SPAST: variants seen among roughly 807,000 people sequenced by gnomAD.
The protein encoded by SPAST is spastic paraplegia 4 (autosomal dominant; spastin).
A neutral mutation model predicts 76.6 loss-of-function variants in SPAST; 30 were observed. The observed-to-expected ratio is 0.39, with a 90% confidence interval of 0.29 to 0.53. The LOEUF (loss-of-function observed/expected upper bound fraction) is 0.53. Ranked by LOEUF, SPAST falls within the 20% of genes least tolerant of loss-of-function variation. The pLI is 0.68. For synonymous variants in SPAST, 305 were observed against 281.0 expected (o/e 1.09, Z -0.86); for missense variants, 717 against 770.5 (o/e 0.93, Z 0.82).
intron 3 of SPAST, among the ~76,000 whole-genome samples, chr2:32,096,488 C>T (rs72796855): frequency 0.046 from 6,949 of 152,048 alleles, 263 homozygotes; most frequent in Admixed American, 0.12. Flanking sequence ...TACTGTTATA[C>T]TGTATGTGTC....
At chr2:32,089,454 G>T (rs1485437298) in intron 2 of SPAST, 68 bp from the exon 3 acceptor site, 2 of 899,154 alleles carry the variant, frequency 2.2e-6, no homozygotes, top group Non-Finnish European at 3.7e-6. Context: ...AGTAGTTTGG[G>T]TGATAATTTA....
At position 32,087,503 on chromosome 2, in the gene SPAST, G is replaced by C; in HGVS notation, c.427G>C (p.Glu143Gln). 15 of 1,603,210 alleles carry C rather than the reference G, an allele frequency of 9.4e-6. No individual in the cohort carries two copies. The highest frequency in any genetic ancestry group is 1.3e-5 in the Non-Finnish European group (15 of 1,171,030). ...IDEDEKAGQK[E>Q]QAVEWYKKGI... ...TTTTTATTTTAAAGCAGGACAGAAGGAGCAAGCTGTGGAATGGTATAAGAA... is the reference window on the plus strand; with the variant it reads ...TTTTTATTTTAAAGCAGGACAGAAGCAGCAAGCTGTGGAATGGTATAAGAA... Residue 143 changes from glutamate to glutamine, a missense_variant, in exon 2 of 17, where the codon GAG becomes CAG. Physicochemically the swap from Glu to Gln is conservative, Grantham distance 29. This residue lies in a region of SPAST where 543 missense variants were observed against 445.2 expected (regional missense o/e 1.22). Transcript: ENST00000315285.
At chr2:32,121,167 G>A (rs892105185) in intron 7 of SPAST, among the ~76,000 whole-genome samples, 2 of 151,864 alleles carry the variant, frequency 1.3e-5, no homozygotes, top group Admixed American at 6.6e-5. Context: ...GGTGGGGGCA[G>A]GGGGGAAGGA....
Position 32,064,143 on chromosome 2 carries a change from CCCGGCG to C in SPAST, c.317_322del (p.Ala106_Pro107del). 1.3e-6 allele frequency: 2 copies of C among 1,565,484 alleles called. No individual in the cohort carries two copies. Among genetic ancestry groups the C allele is most frequent in the Non-Finnish European group, 1.7e-6 (2 of 1,155,886 alleles). ...CGCCAGCACCTGCCTCGGCCTCGGCCCCGGCGCCGGTGCCGGGCGGCGAGGCCGAGC... is the reference window on the plus strand; with the variant it reads ...CGCCAGCACCTGCCTCGGCCTCGGCCCCGGTGCCGGGCGGCGAGGCCGAGC... On this transcript the variant is annotated inframe_deletion, in exon 1 of 17. Transcript: ENST00000315285.
chr2:32,083,116 T>G (rs1436267380), intron 1 of SPAST, among the ~76,000 whole-genome samples: 1 of 151,918 alleles, frequency 6.6e-6, no homozygotes, highest in East Asian at 1.9e-4. Context: ...TGATTACAGG[T>G]GCCCGCCACC....
At chr2:32,093,569 C>T (rs940606503) in intron 3 of SPAST, among the ~76,000 whole-genome samples, 1 of 152,128 alleles carries the variant, frequency 6.6e-6, no homozygotes, top group Non-Finnish European at 1.5e-5. Flanking sequence ...ATATATTTGT[C>T]ACCTTCTAAT....
chr2:32,080,942 G>T (rs1248801126), intron 1 of SPAST, among the ~76,000 whole-genome samples: 1 of 151,052 alleles, frequency 6.6e-6, no homozygotes, highest in South Asian at 2.1e-4. Context: ...CTACAGGCAC[G>T]TGCCACCACA....
At chr2:32,067,127 T>A (rs1201615299) in intron 1 of SPAST, among the ~76,000 whole-genome samples, 4 of 152,130 alleles carry the variant, frequency 2.6e-5, no homozygotes, top group African/African-American at 9.7e-5. Flanking sequence ...AATGGTATGA[T>A]CTTGGCTCAC....
chr2:32,154,670 A>C lies in SPAST; in HGVS notation c.*174A>C. On this transcript the variant is annotated 3_prime_UTR_variant, in exon 17 of 17. Coordinates refer to ENST00000315285, the MANE Select transcript of SPAST (RefSeq NM_014946.4). ...GAAAACAGACTTAAACAAAATATAC[A>C]ATGCAAATGTAATTTTTTGTTGTTT... 1.5e-6 allele frequency: 1 copy of C among 661,016 alleles called. No individual in the cohort carries two copies. Among genetic ancestry groups the C allele is most frequent in the South Asian group, 1.9e-5 (1 of 53,940 alleles). The allele number at this position is 661,016 out of a possible 1,614,324, so 40.9% of individuals were successfully genotyped here. A position where few individuals can be genotyped will look rare whatever the true frequency, so the allele number is the denominator to read the frequency against.
At chr2:32,065,042 C>T (rs1322552304) in intron 1 of SPAST, among the ~76,000 whole-genome samples, 1 of 149,898 alleles carries the variant, frequency 6.7e-6, no homozygotes, top group Non-Finnish European at 1.5e-5. Context: ...TTTTTTGAGA[C>T]GGAATCTCGC....
chr2:32,073,008 C>A lies in SPAST; in HGVS notation c.415+8762C>A, dbSNP rs141231755. The stretch of plus-strand genomic sequence containing the variant: ...TCACATTTTTTCTCAAGATTATTTA[C>A]TGGCATCTGCACCAAAGACACAAAA... On this transcript the variant is annotated intron_variant, in intron 1 of 16. Coordinates refer to ENST00000315285, the MANE Select transcript of SPAST (RefSeq NM_014946.4). 2.2e-4 allele frequency among the ~76,000 whole-genome samples: 34 copies of A among 152,296 alleles called. No homozygotes were observed. The East Asian group carries it at 5.2e-3, about 23-fold the overall frequency.
intron 7 of SPAST, among the ~76,000 whole-genome samples, chr2:32,125,963 T>G (rs1023169225): frequency 6.6e-6 from 1 of 151,972 alleles, no homozygotes; most frequent in African/African-American, 2.4e-5. Flanking sequence ...CCCGGCTAAT[T>G]TTTTTGTATT....
rs555840435 is a variant in SPAST at position 32,124,953 on chromosome 2, A to G, written c.1099-1995A>G. Among the ~76,000 whole-genome samples the G allele has an allele frequency of 2.3e-4, 35 of 152,342 alleles. 1 individual carries two copies. In the South Asian group the frequency reaches 2.5e-3, roughly 11 times the overall value. ...TGAAACTGTTCTTTATGATAATCCA[A>G]TGGTGGATACATGTCATTATACCTT... On this transcript the variant is annotated intron_variant, in intron 7 of 16. Coordinates refer to ENST00000315285, the MANE Select transcript of SPAST (RefSeq NM_014946.4).
rs563773748 is a variant in SPAST, at chr2:32,146,078, G to T, written c.1687+1071G>T. 9.2e-5 allele frequency among the ~76,000 whole-genome samples: 14 copies of T among 152,296 alleles called. No homozygotes were observed. In the South Asian group the frequency reaches 2.9e-3, roughly 32 times the overall value. Reference sequence around the variant, plus strand: ...ACTGCTACTTTGCAAAATAAAAAATGTAATCTTGAGAGTATATTTTGAAAC... The same window carrying T: ...ACTGCTACTTTGCAAAATAAAAAATTTAATCTTGAGAGTATATTTTGAAAC... On this transcript the variant is annotated intron_variant, in intron 15 of 16. Coordinates refer to ENST00000315285, the MANE Select transcript of SPAST (RefSeq NM_014946.4).
In SPAST at chr2:32,063,753, G is replaced by C; in HGVS notation, c.-79G>C. The C allele has an allele frequency of 1.3e-6, 2 of 1,519,132 alleles. No homozygotes were observed. Among genetic ancestry groups the C allele is most frequent in the Non-Finnish European group, 1.8e-6 (2 of 1,138,094 alleles). 94.1% of individuals were successfully genotyped at this position (1,519,132 alleles called of 1,614,324 possible). A position where few individuals can be genotyped will look rare whatever the true frequency, so the allele number is the denominator to read the frequency against. On this transcript the variant is annotated 5_prime_UTR_variant, in exon 1 of 17. Transcript: ENST00000315285. ...ACGGGGGTCTGTGGCCCCCGCCGTA[G>C]CAGTGGCTGCCGCCGTCGCTTGGTT...
At position 32,126,998 on chromosome 2, in the gene SPAST, A is replaced by G. The variant is rs1164922723; in HGVS notation, c.1149A>G (p.Pro383=). ...APARGLLLFG[P]PGNGKTMLAK... ...CCAGAGGGCTGTTACTCTTTGGTCC[A>G]CCTGGGAATGGGAAGACAATGCTGG... Residue 383 remains proline (P), a synonymous_variant, in exon 8 of 17, where the codon CCA becomes CCG. Transcript: ENST00000315285. 1.9e-6 allele frequency: 3 copies of G among 1,612,852 alleles called. No homozygotes were observed. Among genetic ancestry groups the G allele is most frequent in the Admixed American group, 1.7e-5 (1 of 59,978 alleles).
chr2:32,144,320 T>C (rs1679816474), intron 14 of SPAST, among the ~76,000 whole-genome samples: 1 of 152,192 alleles, frequency 6.6e-6, no homozygotes, highest in African/African-American at 2.4e-5. Context: ...GAAGTAATTG[T>C]GTTTATGTGT....
At chr2:32,133,655 TAAA>T (rs573039556) in intron 9 of SPAST, among the ~76,000 whole-genome samples, 1 of 142,468 alleles carries the variant, frequency 7.0e-6, no homozygotes, top group Non-Finnish European at 1.5e-5. Context: ...TATCTATTAT[TAAA>T]AAAAAAAAAA....
chr2:32,093,304 C>G (rs1214202600), intron 3 of SPAST, among the ~76,000 whole-genome samples: 1 of 112,498 alleles, frequency 8.9e-6, no homozygotes, highest in African/African-American at 3.3e-5. Flanking sequence ...GAGCGAGACT[C>G]CGTCTCAAAA....
Sources: allele counts gnomAD v4.1 joint callset (sites outside exome capture counted in the v4.1 genomes callset), GRCh38; gene constraint gnomAD v4.1.1; regional missense constraint gnomAD v4.1.1; transcripts MANE v1.5; gene names NCBI Gene and HGNC (gene_info 2026-07-23, HGNC 2026-07-21).